MARCHF11: variants seen among roughly 807,000 people sequenced by gnomAD.
The protein encoded by MARCHF11 is E3 ubiquitin-protein ligase MARCHF11.
MARCHF11 carries 29 observed loss-of-function variants against 37.3 expected under a neutral mutation model. The ratio of observed to expected loss-of-function variants is 0.78; its 90% CI spans 0.58 to 1.06. The LOEUF (loss-of-function observed/expected upper bound fraction) is 1.06, where lower values mean the gene tolerates loss of function less well. Among genes scored for constraint, MARCHF11 ranks in the 50% least tolerant of loss-of-function variants. The pLI, the probability that MARCHF11 is intolerant of heterozygous loss-of-function variation, is 0.00. For missense variants in MARCHF11, 482 were observed against 533.4 expected (o/e 0.90, Z 0.95); for synonymous variants, 233 against 228.0 (o/e 1.02, Z -0.20).
chr5:16,088,079 C>T (rs560726741), intron 3 of MARCHF11, among the ~76,000 whole-genome samples: 1 of 152,308 alleles, frequency 6.6e-6, no homozygotes, highest in Non-Finnish European at 1.5e-5. Flanking sequence ...AATGGGGAGC[C>T]AATCTCACAT....
rs1736862536 is a variant in MARCHF11, at chr5:16,096,034, A to C, written c.694-4953T>G. On this transcript the variant is annotated intron_variant, in intron 2 of 3. Transcript: ENST00000332432. ...TGGCCAAGCCACCAGTTAGTCAAGAAGTGAGAACTCAGATCTGTCTCCAAA... is the reference window on the plus strand; with the variant it reads ...TGGCCAAGCCACCAGTTAGTCAAGACGTGAGAACTCAGATCTGTCTCCAAA... Among the ~76,000 whole-genome samples the C allele has an allele frequency of 4.6e-5, 7 of 152,240 alleles. No individual in the cohort carries two copies. The South Asian group carries it at 1.4e-3, about 32-fold the overall frequency.
At chr5:16,176,871 T>C (rs1269919030) in intron 2 of MARCHF11, among the ~76,000 whole-genome samples, 2 of 152,178 alleles carry the variant, frequency 1.3e-5, no homozygotes, top group Non-Finnish European at 2.9e-5. Context: ...CTCCTTTGTC[T>C]CTGTTTTGAA....
At position 16,163,250 on chromosome 5, in the gene MARCHF11, G is replaced by C. The variant is rs137867513; in HGVS notation, c.693+14476C>G. Among the ~76,000 whole-genome samples, 286 of 152,084 alleles carry C rather than the reference G, an allele frequency of 1.9e-3. 1 individual carries two copies. The highest frequency in any genetic ancestry group is 6.6e-3 in the African/African-American group (274 of 41,526). On this transcript the variant is annotated intron_variant, in intron 2 of 3. Coordinates refer to ENST00000332432, the MANE Select transcript of MARCHF11 (RefSeq NM_001102562.3). ...ACAACTCCTTGGTTGCTCACAACAG[G>C]TCTCAGGTGGTGGCGGAAGGAGAAA...
intron 3 of MARCHF11, among the ~76,000 whole-genome samples, chr5:16,088,024 A>G (rs1736727848): frequency 6.6e-6 from 1 of 152,210 alleles, no homozygotes; most frequent in Non-Finnish European, 1.5e-5. Flanking sequence ...GAAAGCTTGG[A>G]CAGACAGGAA....
intron 3 of MARCHF11, 69 bp downstream of exon 3, chr5:16,090,820 G>T: frequency 8.1e-7 from 1 of 1,229,552 alleles, no homozygotes; most frequent in Non-Finnish European, 1.1e-6. Flanking sequence ...AGATCCGAAT[G>T]GTGAAAACGT....
intron 3 of MARCHF11, among the ~76,000 whole-genome samples, chr5:16,068,413 TA>T (rs200598789): frequency 1.3e-5 from 2 of 152,180 alleles, no homozygotes; most frequent in South Asian, 4.1e-4. Context: ...TACTAGCACT[TA>T]CCCCGTTTGG....
At chr5:16,085,072 C>T (rs1223967925) in intron 3 of MARCHF11, among the ~76,000 whole-genome samples, 1 of 151,850 alleles carries the variant, frequency 6.6e-6, no homozygotes, top group African/African-American at 2.4e-5. Context: ...ATATGAAGAA[C>T]AGGCAATAAC....
intron 2 of MARCHF11, among the ~76,000 whole-genome samples, chr5:16,127,645 G>A (rs1020736985): frequency 8.5e-5 from 13 of 152,236 alleles, no homozygotes; most frequent in Non-Finnish European, 1.6e-4. Flanking sequence ...TTCCCCAGCA[G>A]GGAGGGACCG....
chr5:16,077,286 G>A (rs1380971822), intron 3 of MARCHF11, among the ~76,000 whole-genome samples: 1 of 151,976 alleles, frequency 6.6e-6, no homozygotes, highest in African/African-American at 2.4e-5. Context: ...GCTTTTCCTA[G>A]TGGCAAGTGA....
intron 3 of MARCHF11, among the ~76,000 whole-genome samples, chr5:16,073,009 G>A (rs113223679): frequency 0.019 from 2,817 of 152,216 alleles, 72 homozygotes; most frequent in African/African-American, 0.064. Flanking sequence ...TGTTTTAAAC[G>A]AGGGTGATGC....
At chr5:16,140,935 T>C (rs1486993899) in intron 2 of MARCHF11, 3 of 152,216 alleles carry the variant, frequency 2.0e-5, no homozygotes, top group Admixed American at 2.0e-4. Context: ...CTAACATTTA[T>C]ATAGTGCTTA....
chr5:16,070,424 G>A (rs1449769205), intron 3 of MARCHF11, among the ~76,000 whole-genome samples: 1 of 152,164 alleles, frequency 6.6e-6, no homozygotes, highest in African/African-American at 2.4e-5. Flanking sequence ...GAATCTATGT[G>A]GTGGGGAACA....
chr5:16,068,122 C>A (rs757581132), intron 3 of MARCHF11, among the ~76,000 whole-genome samples: 1 of 152,114 alleles, frequency 6.6e-6, no homozygotes, highest in Non-Finnish European at 1.5e-5. Context: ...ATGCATTTAA[C>A]ACATATTCTT....
At chr5:16,164,839 G>T (rs902002816) in intron 2 of MARCHF11, among the ~76,000 whole-genome samples, 3 of 151,938 alleles carry the variant, frequency 2.0e-5, no homozygotes, top group Non-Finnish European at 4.4e-5. Flanking sequence ...TGTCCCTTTT[G>T]TCCTTAAAGG....
At chr5:16,069,290 A>G (rs982143982) in intron 3 of MARCHF11, among the ~76,000 whole-genome samples, 3 of 152,160 alleles carry the variant, frequency 2.0e-5, no homozygotes, top group East Asian at 1.9e-4. Flanking sequence ...AGACACACAC[A>G]TATATATATG....
At chr5:16,142,202 G>A (rs940505407) in intron 2 of MARCHF11, among the ~76,000 whole-genome samples, 1 of 152,198 alleles carries the variant, frequency 6.6e-6, no homozygotes, top group Non-Finnish European at 1.5e-5. Flanking sequence ...ATCGGGGGAA[G>A]GTTGCACTTA....
intron 2 of MARCHF11, among the ~76,000 whole-genome samples, chr5:16,149,041 G>C (rs771722947): frequency 1.3e-5 from 2 of 152,140 alleles, no homozygotes; most frequent in Non-Finnish European, 2.9e-5. Context: ...AATCTGTAGA[G>C]AGTTCCAAGA....
chr5:16,167,766 T>A (rs1485296135), intron 2 of MARCHF11, among the ~76,000 whole-genome samples: 3 of 152,100 alleles, frequency 2.0e-5, no homozygotes, highest in Non-Finnish European at 4.4e-5. Context: ...TCCTTACTAT[T>A]GATAATTTAA....
At chr5:16,081,277 T>G (rs1460048439) in intron 3 of MARCHF11, among the ~76,000 whole-genome samples, 2 of 152,216 alleles carry the variant, frequency 1.3e-5, no homozygotes, top group Admixed American at 6.5e-5. Flanking sequence ...AAACCTTTTC[T>G]GTAAAGGGCC....
Sources: allele counts gnomAD v4.1 joint callset (sites outside exome capture counted in the v4.1 genomes callset), GRCh38; gene constraint gnomAD v4.1.1; transcripts MANE v1.5; gene names NCBI Gene and HGNC (gene_info 2026-07-23, HGNC 2026-07-21).